The following SBF1 variants were observed in gnomAD, a reference collection of about 807,000 sequenced individuals.
SBF1 encodes the protein myotubularin-related protein 5.
Under a neutral mutation model 215.8 loss-of-function variants are expected in SBF1, and 65 were observed. That is an observed-to-expected ratio of 0.30 (90% confidence interval 0.25 to 0.37). The LOEUF (loss-of-function observed/expected upper bound fraction) is 0.37, where lower values mean the gene tolerates loss of function less well. Ranked by LOEUF, SBF1 falls within the 10% of genes least tolerant of loss-of-function variation. The probability of loss-of-function intolerance (pLI) is 1.00; values close to 1 mark genes in which losing one functional copy is unlikely to be tolerated. For missense variants in SBF1, 2,634 were observed against 2,667.8 expected (o/e 0.99, Z 0.28); for synonymous variants, 1,410 against 1,122.8 (o/e 1.26, Z -5.11).
At chr22:50,453,206 AAAC>A (rs1203181782) in intron 36 of SBF1, among the ~76,000 whole-genome samples, 3 of 152,210 alleles carry the variant, frequency 2.0e-5, no homozygotes, top group East Asian at 3.8e-4. Context: ...AAATACAAGA[AAAC>A]AACAGAGCAA....
intron 1 of SBF1, among the ~76,000 whole-genome samples, chr22:50,471,075 T>C (rs2067978875): frequency 6.6e-6 from 1 of 151,994 alleles, no homozygotes; most frequent in Non-Finnish European, 1.5e-5. Flanking sequence ...CCCATCAGAG[T>C]GCTGCCTTTA....
intron 34 of SBF1, 21 bp from the exon 35 acceptor site, chr22:50,454,965 G>A: frequency 6.2e-7 from 1 of 1,613,974 alleles, no homozygotes; most frequent in Non-Finnish European, 8.5e-7. Context: ...GCAGCACTGA[G>A]CCTGGGCCCC....
chr22:50,456,459 A>ACCCCCCCCCCCCCCCCCCCC, intron 30 of SBF1, 33 bp downstream of exon 30: 1 of 622,634 alleles, frequency 1.6e-6, no homozygotes, highest in Non-Finnish European at 2.4e-6. Flanking sequence ...CCGAGCCCCC[A>ACCCCCCCCCCCCCCCCCCCC]CCCTCACCCC....
chr22:50,457,586 T>C (rs1384011270), intron 28 of SBF1, among the ~76,000 whole-genome samples: 1 of 152,150 alleles, frequency 6.6e-6, no homozygotes, highest in Admixed American at 6.5e-5. Context: ...CCTGGAGGCT[T>C]CCCGAAGAGG....
In SBF1 at chr22:50,472,357, G is replaced by A. The variant is rs1327245231; in HGVS notation, c.55+2429C>T. Among the ~76,000 whole-genome samples, 5 of 152,172 alleles carry A rather than the reference G, an allele frequency of 3.3e-5. No homozygotes were observed. In the East Asian group the frequency reaches 5.8e-4, roughly 18 times the overall value. On this transcript the variant is annotated intron_variant, in intron 1 of 40. Transcript: ENST00000380817. The stretch of plus-strand genomic sequence containing the variant: ...GCTCCAGACAGGATGTCCAGATCCA[G>A]GCCAAGACAAGCTATCCGCCAATCC...
chr22:50,450,194 T>A (rs146470609), intron 36 of SBF1, among the ~76,000 whole-genome samples: 1,540 of 152,300 alleles, frequency 0.01, 10 homozygotes, highest in Middle Eastern at 0.027. Flanking sequence ...AAGCAAGATG[T>A]CACAAGGCCT....
intron 5 of SBF1, chr22:50,467,035 A>ATC: frequency 1.7e-6 from 1 of 575,200 alleles, no homozygotes. Context: ...AGACACGGTT[A>ATC]GACACTCCAA....
intron 23 of SBF1, 59 bp downstream of exon 23, chr22:50,461,100 G>T: frequency 6.5e-7 from 1 of 1,533,984 alleles, no homozygotes; most frequent in Non-Finnish European, 8.8e-7. Context: ...AGAAAGACCG[G>T]TTTGCAGGAG....
Position 50,474,973 on chromosome 22 carries a change from C to T in SBF1, c.-133G>A. 2 of 300,188 alleles carry T rather than the reference C, an allele frequency of 6.7e-6. No individual in the cohort carries two copies. Among genetic ancestry groups the T allele is most frequent in the South Asian group, 8.6e-5 (1 of 11,678 alleles). The allele number at this position is 300,188 out of a possible 1,614,324, so 18.6% of individuals were successfully genotyped here. A position where few individuals can be genotyped will look rare whatever the true frequency, so the allele number is the denominator to read the frequency against. On this transcript the variant is annotated 5_prime_UTR_variant, in exon 1 of 41. Transcript: ENST00000380817. ...ACACCCCTGGTTCGCTCCGCGGCGG[C>T]GGCGGCGGCGGCGGCGGCGGCCCAG...
chr22:50,459,578 C>G lies in SBF1; in HGVS notation c.3580G>C (p.Val1194Leu). Residue 1194 changes from valine to leucine, a missense_variant, in exon 27 of 41, where the codon GTG (valine) becomes CTG (leucine). Transcript: ENST00000380817. ...SRCYRQNRFP[V>L]VCWRSGRSKA... ...GACCGCCCGCTGCGCCAGCAGACCA[C>G]GGGGAAGCGGTTCTGGCGGTAGCAG... 1 of 1,609,510 alleles carries G rather than the reference C, an allele frequency of 6.2e-7. No homozygotes were observed.
chr22:50,456,902 C>T (rs2067275664), intron 29 of SBF1, 132 bp downstream of exon 29: 3 of 823,328 alleles, frequency 3.6e-6, no homozygotes, highest in Non-Finnish European at 5.4e-6. Flanking sequence ...GAGGTAAGGA[C>T]TGGGGCTCGG....
chr22:50,457,892 C>T (rs558776694), intron 28 of SBF1, among the ~76,000 whole-genome samples: 6 of 152,354 alleles, frequency 3.9e-5, no homozygotes, highest in African/African-American at 1.2e-4. Flanking sequence ...CAATGCCAGC[C>T]CAACACGCCC....
chr22:50,448,764 T>A (rs923127280), intron 36 of SBF1, 114 bp from the exon 37 acceptor site: 17 of 750,990 alleles, frequency 2.3e-5, no homozygotes, highest in Non-Finnish European at 3.5e-5. Context: ...AACGCGTGTG[T>A]GACTGGCCAC....
chr22:50,465,173 G>A, intron 11 of SBF1, 42 bp downstream of exon 11: 1 of 1,613,676 alleles, frequency 6.2e-7, no homozygotes, highest in South Asian at 1.1e-5. Flanking sequence ...TCTCCACCAT[G>A]CGCTTATCTC....
At position 50,464,290 on chromosome 22, in the gene SBF1, C is replaced by T. The variant is rs147401087; in HGVS notation, c.1749+39G>A. ...GTGCAGCCTGGGTCTCCTCTGAAAC[C>T]CGCTGCCCTGGCCCGGCTGGAGCCT... is the stretch of plus-strand genomic sequence containing the variant. On this transcript the variant is annotated intron_variant, in intron 15 of 40. Transcript: ENST00000380817. The T allele has an allele frequency of 7.1e-6, 11 of 1,547,436 alleles. No homozygotes were observed. The East Asian group carries it at 2.5e-4, about 35-fold the overall frequency.
Position 50,447,068 on chromosome 22 carries a change from G to C in SBF1, c.*74C>G. The stretch of plus-strand genomic sequence containing the variant: ...TGTCGAGGGCCGGGGCTGTAAACAT[G>C]GCCGGGGCGGCCCTGCCCACCCCTA... On this transcript the variant is annotated 3_prime_UTR_variant, in exon 41 of 41. Transcript: ENST00000380817. 7.4e-7 allele frequency: 1 copy of C among 1,344,164 alleles called. No homozygotes were observed. The highest frequency in any genetic ancestry group is 1.0e-6 in the Non-Finnish European group (1 of 964,522). 83.3% of individuals were successfully genotyped at this position (1,344,164 alleles called of 1,614,324 possible). A position where few individuals can be genotyped will look rare whatever the true frequency, so the allele number is the denominator to read the frequency against.
chr22:50,474,302 C>T (rs983942386), intron 1 of SBF1, among the ~76,000 whole-genome samples: 4 of 152,252 alleles, frequency 2.6e-5, no homozygotes, highest in African/African-American at 9.6e-5. Context: ...TGCACCCCGC[C>T]AAGACCGCCG....
At chr22:50,464,265 G>A (rs530263269) in intron 15 of SBF1, 64 bp downstream of exon 15, 79 of 1,353,048 alleles carry the variant, frequency 5.8e-5, no homozygotes, top group Non-Finnish European at 7.1e-5. Context: ...CAAGGGTGAA[G>A]TGCAGCCTGG....
intron 36 of SBF1, among the ~76,000 whole-genome samples, chr22:50,452,545 C>G (rs1396436252): frequency 6.6e-6 from 1 of 151,584 alleles, no homozygotes; most frequent in Non-Finnish European, 1.5e-5. Flanking sequence ...ACAGTGAAAC[C>G]CCGTCTCTAC....
Sources: gnomAD v4.1 joint callset for allele counts (sites outside exome capture counted in the v4.1 genomes callset) on GRCh38, gnomAD v4.1.1 for gene constraint, MANE v1.5 for transcripts, NCBI Gene and HGNC (gene_info 2026-07-23, HGNC 2026-07-21) for gene names.